The following NRXN1 variants were observed in gnomAD, a reference collection of about 807,000 sequenced individuals.
The protein encoded by NRXN1 is neurexin-1.
Under a neutral mutation model 150.9 loss-of-function variants are expected in NRXN1, and 39 were observed. The observed-to-expected ratio is 0.26, with a 90% CI of 0.20 to 0.34. The LOEUF is 0.34. Ranked by LOEUF, NRXN1 falls within the 10% of genes least tolerant of loss-of-function variation. The pLI is 1.00. For synonymous variants in NRXN1, 924 were observed against 757.0 expected (o/e 1.22, Z -3.62); for missense variants, 1,815 against 1,949.9 (o/e 0.93, Z 1.30).
At chr2:50,690,916 G>A (rs779089663) in intron 5 of NRXN1, among the ~76,000 whole-genome samples, 6 of 152,150 alleles carry the variant, frequency 3.9e-5, no homozygotes, top group African/African-American at 9.7e-5. Context: ...TATTATCCAT[G>A]TGAAATATCT....
At chr2:50,114,340 C>G (rs1161400973) in intron 18 of NRXN1, among the ~76,000 whole-genome samples, 1 of 152,098 alleles carries the variant, frequency 6.6e-6, no homozygotes, top group Non-Finnish European at 1.5e-5. Context: ...ATGGCCAAAA[C>G]CTGGGACACT....
chr2:50,800,163 T>C (rs556014673), intron 5 of NRXN1, among the ~76,000 whole-genome samples: 10 of 152,276 alleles, frequency 6.6e-5, no homozygotes, highest in East Asian at 3.9e-4. Context: ...TTTTGACCCA[T>C]TGCTTATACT....
chr2:50,825,322 T>C (rs1670300037), intron 5 of NRXN1, among the ~76,000 whole-genome samples: 1 of 152,216 alleles, frequency 6.6e-6, no homozygotes, highest in South Asian at 2.1e-4. Flanking sequence ...GAATGTTTGC[T>C]GGCTGGCAGC....
intron 17 of NRXN1, among the ~76,000 whole-genome samples, chr2:50,330,539 C>G (rs1317752676): frequency 1.4e-4 from 21 of 152,170 alleles, no homozygotes; most frequent in African/African-American, 4.6e-4. Context: ...TAACCTTCCC[C>G]AACCCAGAAG....
At chr2:50,729,023 G>A (rs1210154498) in intron 5 of NRXN1, among the ~76,000 whole-genome samples, 1 of 151,980 alleles carries the variant, frequency 6.6e-6, no homozygotes, top group Admixed American at 6.6e-5. Context: ...TGCATCAAAA[G>A]AATAATATTA....
chr2:50,436,193 C>T (rs560126934), intron 17 of NRXN1, among the ~76,000 whole-genome samples: 17 of 152,288 alleles, frequency 1.1e-4, no homozygotes, highest in African/African-American at 3.4e-4. Flanking sequence ...GTAGCTCACG[C>T]CTGTAATCCC....
intron 2 of NRXN1, among the ~76,000 whole-genome samples, chr2:51,010,202 G>A (rs1027301836): frequency 1.3e-5 from 2 of 151,886 alleles, no homozygotes; most frequent in African/African-American, 4.8e-5. Flanking sequence ...AACTTCCTTT[G>A]ATAATCTGCT....
At chr2:49,940,254 G>T (rs1671752131) in intron 22 of NRXN1, among the ~76,000 whole-genome samples, 1 of 152,116 alleles carries the variant, frequency 6.6e-6, no homozygotes, top group African/African-American at 2.4e-5. Context: ...TAGCAAATGT[G>T]CATAGAAGAT....
At chr2:50,595,673 G>C (rs1435544357) in intron 8 of NRXN1, among the ~76,000 whole-genome samples, 1 of 152,164 alleles carries the variant, frequency 6.6e-6, no homozygotes, top group East Asian at 1.9e-4. Context: ...GATTGGAAGG[G>C]CTGCCTCAGA....
At chr2:50,530,602 C>A (rs1447106158) in intron 11 of NRXN1, among the ~76,000 whole-genome samples, 1 of 152,068 alleles carries the variant, frequency 6.6e-6, no homozygotes, top group African/African-American at 2.4e-5. Flanking sequence ...CATTATCTTT[C>A]TGTAGAAGAG....
chr2:50,722,295 C>A (rs978209980), intron 5 of NRXN1, among the ~76,000 whole-genome samples: 1 of 151,930 alleles, frequency 6.6e-6, no homozygotes, highest in Non-Finnish European at 1.5e-5. Flanking sequence ...CATACAATTC[C>A]CCATAATACA....
chr2:50,683,510 T>C (rs1690727402), intron 5 of NRXN1, among the ~76,000 whole-genome samples: 1 of 147,886 alleles, frequency 6.8e-6, no homozygotes, highest in South Asian at 2.2e-4. Flanking sequence ...CGGGCTCCTG[T>C]AGTCCTAGCT....
At position 50,819,882 on chromosome 2, in the gene NRXN1, A is replaced by C. The variant is rs189443984; in HGVS notation, c.832+101987T>G. ...TTACTGTTAACACTGACTTGAGCAGACATCACTCATGATAATTCCTGTGTT... is the reference window on the plus strand; with the variant it reads ...TTACTGTTAACACTGACTTGAGCAGCCATCACTCATGATAATTCCTGTGTT... On this transcript the variant is annotated intron_variant, in intron 5 of 22. Coordinates refer to ENST00000401669, the MANE Select transcript of NRXN1 (RefSeq NM_001330078.2). Among the ~76,000 whole-genome samples, 157 of 152,184 alleles carry C rather than the reference A, an allele frequency of 1.0e-3. 1 individual carries two copies. Among genetic ancestry groups the C allele is most frequent in the Middle Eastern group, 3.4e-3 (1 of 294 alleles).
chr2:51,007,585 T>C (rs1042592492), intron 2 of NRXN1, among the ~76,000 whole-genome samples: 1 of 151,926 alleles, frequency 6.6e-6, no homozygotes, highest in Non-Finnish European at 1.5e-5. Context: ...TATTTTTAAA[T>C]GAAGCAGATT....
intron 18 of NRXN1, among the ~76,000 whole-genome samples, chr2:50,235,093 T>C (rs2065293217): frequency 6.6e-6 from 1 of 152,112 alleles, no homozygotes; most frequent in African/African-American, 2.4e-5. Flanking sequence ...AGTAAAAGTG[T>C]AATTGGTTAT....
At chr2:50,440,624 A>G (rs1403047509) in intron 17 of NRXN1, among the ~76,000 whole-genome samples, 1 of 152,148 alleles carries the variant, frequency 6.6e-6, no homozygotes, top group Non-Finnish European at 1.5e-5. Flanking sequence ...TCATTGAAGT[A>G]GTAATGTTTG....
intron 18 of NRXN1, among the ~76,000 whole-genome samples, chr2:50,168,813 T>G (rs777775004): frequency 2.0e-5 from 3 of 152,204 alleles, no homozygotes; most frequent in Non-Finnish European, 4.4e-5. Context: ...GACTCTTGCT[T>G]GAAATTCAAG....
chr2:50,289,755 C>T (rs956487050), intron 17 of NRXN1, among the ~76,000 whole-genome samples: 15 of 152,128 alleles, frequency 9.9e-5, no homozygotes, highest in African/African-American at 3.4e-4. Context: ...TACTTGTCTG[C>T]AAAACACACA....
At chr2:50,976,416 G>C (rs900642009) in intron 2 of NRXN1, among the ~76,000 whole-genome samples, 4 of 151,630 alleles carry the variant, frequency 2.6e-5, no homozygotes, top group Middle Eastern at 3.2e-3. Flanking sequence ...TTTAATTGCT[G>C]TGTCATGCAC....
Sources: allele counts gnomAD v4.1 joint callset (sites outside exome capture counted in the v4.1 genomes callset), GRCh38; gene constraint gnomAD v4.1.1; transcripts MANE v1.5; gene names NCBI Gene and HGNC (gene_info 2026-07-23, HGNC 2026-07-21).